Variants in CCDC138 observed in about 807,000 individuals in gnomAD.
CCDC138 encodes coiled-coil domain containing 138.
In CCDC138, 66 loss-of-function variants were observed where a neutral mutation model predicts 82.3. That is an observed-to-expected ratio of 0.80 (90% CI 0.66 to 0.98). The LOEUF is 0.98. Ranked by LOEUF, CCDC138 falls within the 50% of genes least tolerant of loss-of-function variation. The pLI, the probability that CCDC138 is intolerant of heterozygous loss-of-function variation, is 0.00. For synonymous variants in CCDC138, 297 were observed against 265.4 expected, an observed-to-expected ratio of 1.12 and a Z score of -1.16; for missense variants, 816 against 758.9, an observed-to-expected ratio of 1.08 and a Z score of -0.88.
Position 108,856,700 on chromosome 2 carries a change from T to G in CCDC138, c.1517-94T>G, listed in dbSNP as rs185318172. The G allele has an allele frequency of 2.5e-4, 295 of 1,158,856 alleles. 1 individual carries two copies. In the African/African-American group the frequency reaches 4.2e-3, roughly 16 times the overall value. The allele number at this position is 1,158,856 out of a possible 1,614,324, so 71.8% of individuals were successfully genotyped here. The stretch of plus-strand genomic sequence containing the variant: ...TTTAATTTTTGTTTGTCTTTTGAGT[T>G]TGTTAAAGTAACGACATTGCTTTTT... On this transcript the variant is annotated intron_variant, in intron 12 of 14. Coordinates refer to ENST00000295124, the MANE Select transcript of CCDC138 (RefSeq NM_144978.3).
At chr2:108,786,762 C>T, upstream of CCDC138, 1 of 1,466,190 alleles carries the variant, frequency 6.8e-7, no homozygotes, top group African/African-American at 1.4e-5. Flanking sequence ...ACTGCGGCCG[C>T]GTAGCGCCGC....
chr2:108,872,917 C>T (rs1250290739), intron 13 of CCDC138, among the ~76,000 whole-genome samples: 2 of 152,074 alleles, frequency 1.3e-5, no homozygotes, highest in East Asian at 3.9e-4. Context: ...ACATAAAAGT[C>T]CAGAGTCTCA....
rs1231748411 is a variant in CCDC138 at position 108,786,896 on chromosome 2, G to A, written c.74G>A (p.Gly25Glu). 1 of 1,555,428 alleles carries A rather than the reference G, an allele frequency of 6.4e-7. No individual in the cohort carries two copies. Among genetic ancestry groups the A allele is most frequent in the South Asian group, 1.2e-5 (1 of 85,162 alleles). Residue 25 changes from glycine (G) to glutamate (E), a missense_variant, in exon 1 of 15, where the codon GGG becomes GAG. By Grantham distance (98) the Gly-to-Glu change is moderately conservative. Coordinates refer to ENST00000295124, the MANE Select transcript of CCDC138 (RefSeq NM_144978.3). ...VESLKSRYGL[G>E]GSCPDEYDFS... ...AGTCTCAAAAGCCGCTACGGACTCG[G>A]GGGCAGCTGCCCCGACGAGGTGAAG...
intron 3 of CCDC138, among the ~76,000 whole-genome samples, chr2:108,790,942 T>C (rs895798256): frequency 1.3e-5 from 2 of 151,932 alleles, no homozygotes; most frequent in African/African-American, 4.8e-5. Context: ...TTTTTCTTTT[T>C]GTAGAGACAG....
intron 11 of CCDC138, among the ~76,000 whole-genome samples, chr2:108,843,897 T>C (rs1689995457): frequency 1.4e-5 from 2 of 144,314 alleles, no homozygotes; most frequent in African/African-American, 5.0e-5. Context: ...TTTTTTTTTT[T>C]TTTTTTTTTT....
At chr2:108,822,238 G>T (rs908790893) in intron 10 of CCDC138, among the ~76,000 whole-genome samples, 2 of 151,974 alleles carry the variant, frequency 1.3e-5, no homozygotes, top group Non-Finnish European at 2.9e-5. Context: ...TGATAAAAAG[G>T]TAAATTCACC....
chr2:108,848,591 T>A (rs1348922224), intron 12 of CCDC138, among the ~76,000 whole-genome samples: 1 of 152,236 alleles, frequency 6.6e-6, no homozygotes, highest in Non-Finnish European at 1.5e-5. Flanking sequence ...TATGGCTTAA[T>A]GTATAATACC....
chr2:108,849,063 A>T (rs139847192), intron 12 of CCDC138, among the ~76,000 whole-genome samples: 50 of 152,306 alleles, frequency 3.3e-4, no homozygotes, highest in African/African-American at 1.1e-3. Context: ...GATTTCTGCA[A>T]ATGAAAAACC....
intron 12 of CCDC138, among the ~76,000 whole-genome samples, chr2:108,853,178 C>A (rs1000201814): frequency 6.6e-6 from 1 of 152,126 alleles, no homozygotes; most frequent in Non-Finnish European, 1.5e-5. Flanking sequence ...GAACATCAAC[C>A]GAGTTCTTGG....
intron 5 of CCDC138, among the ~76,000 whole-genome samples, chr2:108,797,199 A>G (rs1340087659): frequency 2.0e-5 from 3 of 152,184 alleles, no homozygotes; most frequent in Non-Finnish European, 1.5e-5. Flanking sequence ...CTCCAGCCCA[A>G]ATCATAAGGA....
At chr2:108,867,784 T>C (rs776628690) in intron 13 of CCDC138, among the ~76,000 whole-genome samples, 7 of 152,228 alleles carry the variant, frequency 4.6e-5, no homozygotes, top group Non-Finnish European at 8.8e-5. Context: ...TTTTGGTTGG[T>C]ATTGAATGTT....
At chr2:108,884,358 G>A (rs956130801) in intron 2 of CCDC138, 1 of 152,194 alleles carries the variant, frequency 6.6e-6, no homozygotes, top group Admixed American at 6.5e-5. Flanking sequence ...CAGAATGGGA[G>A]CTAGCAGTGT....
intron 10 of CCDC138, among the ~76,000 whole-genome samples, chr2:108,827,890 T>G (rs1686908966): frequency 6.6e-6 from 1 of 151,822 alleles, no homozygotes; most frequent in South Asian, 2.1e-4. Flanking sequence ...TGAAAAAAAT[T>G]CATCAGAGAT....
intron 5 of CCDC138, among the ~76,000 whole-genome samples, chr2:108,798,071 A>G (rs1379949755): frequency 2.0e-5 from 3 of 151,936 alleles, no homozygotes; most frequent in Non-Finnish European, 2.9e-5. Context: ...GTGATAGACA[A>G]CAAGATGAGG....
At chr2:108,822,723 G>T (rs1270468735) in intron 10 of CCDC138, among the ~76,000 whole-genome samples, 1 of 152,108 alleles carries the variant, frequency 6.6e-6, no homozygotes, top group African/African-American at 2.4e-5. Flanking sequence ...GAAATCCCAA[G>T]GAAAATTGGC....
chr2:108,831,793 C>T (rs140122019), intron 10 of CCDC138, among the ~76,000 whole-genome samples: 140 of 150,194 alleles, frequency 9.3e-4, no homozygotes, highest in African/African-American at 3.3e-3. Flanking sequence ...AGCGCAATGG[C>T]ATGATCTCGG....
chr2:108,786,770 C>T (rs150687307), upstream of CCDC138: 2,703 of 1,498,720 alleles, frequency 1.8e-3, 7 homozygotes, highest in Middle Eastern at 2.1e-3. Flanking sequence ...CGCGTAGCGC[C>T]GCGGGTTTGA....
intron 7 of CCDC138, among the ~76,000 whole-genome samples, chr2:108,811,247 CTTT>C (rs55661786): frequency 8.8e-6 from 1 of 113,938 alleles, no homozygotes. Context: ...TTCTCTCTCT[CTTT>C]TTTTTTTTTT....
At chr2:108,867,765 A>G (rs2105052244) in intron 13 of CCDC138, among the ~76,000 whole-genome samples, 1 of 152,354 alleles carries the variant, frequency 6.6e-6, no homozygotes, top group African/African-American at 2.4e-5. Context: ...GGGATGGGCA[A>G]CTGAAGGTTT....
Sources: gnomAD v4.1 joint callset for allele counts (sites outside exome capture counted in the v4.1 genomes callset) on GRCh38, gnomAD v4.1.1 for gene constraint, MANE v1.5 for transcripts, NCBI Gene and HGNC (gene_info 2026-07-23, HGNC 2026-07-21) for gene names.